Variants in NAA25 observed in about 807,000 individuals in gnomAD.
The protein encoded by NAA25 is N-terminal acetyltransferase B complex subunit NAA25.
In NAA25, 30 loss-of-function variants were observed where a neutral mutation model predicts 132.5. The ratio of observed to expected loss-of-function variants is 0.23; its 90% confidence interval spans 0.17 to 0.31. The LOEUF (loss-of-function observed/expected upper bound fraction) is 0.31. Ranked by LOEUF, NAA25 falls within the 10% of genes least tolerant of loss-of-function variation. NAA25 has a pLI of 1.00. For synonymous variants in NAA25, 359 were observed against 401.9 expected (o/e 0.89, Z 1.28); for missense variants, 771 against 1,150.4 (o/e 0.67, Z 4.77).
At chr12:112,041,389 C>T (rs997893897) in intron 20 of NAA25, among the ~76,000 whole-genome samples, 5 of 151,876 alleles carry the variant, frequency 3.3e-5, no homozygotes, top group African/African-American at 4.8e-5. Flanking sequence ...GGGGTTTCAC[C>T]GTGTTAGCCA....
chr12:112,086,051 AATATATATATAT>A (rs1555238696), intron 4 of NAA25, among the ~76,000 whole-genome samples: 1 of 37,380 alleles, frequency 2.7e-5, no homozygotes, highest in African/African-American at 1.8e-4. Context: ...AAAAAAAAAA[AATATATATATAT>A]ATATATATAT....
intron 9 of NAA25, 120 bp downstream of exon 9, chr12:112,074,555 T>C (rs2078867858): frequency 1.8e-6 from 1 of 546,866 alleles, no homozygotes; most frequent in Non-Finnish European, 3.2e-6. Flanking sequence ...AAAAATGTCT[T>C]ACTTTGAAAG....
At chr12:112,061,456 C>T in intron 11 of NAA25, 68 bp from the exon 12 acceptor site, 1 of 1,131,064 alleles carries the variant, frequency 8.8e-7, no homozygotes, top group Non-Finnish European at 1.3e-6. Context: ...CCATAATTAA[C>T]AGAAATTGAA....
chr12:112,065,284 G>A (rs984050624), intron 11 of NAA25, among the ~76,000 whole-genome samples: 1 of 152,100 alleles, frequency 6.6e-6, no homozygotes, highest in African/African-American at 2.4e-5. Flanking sequence ...ATCACTTGAG[G>A]CCAGGAGTTC....
chr12:112,067,814 C>T (rs1196327310), intron 11 of NAA25, among the ~76,000 whole-genome samples: 1 of 152,344 alleles, frequency 6.6e-6, no homozygotes, highest in South Asian at 2.1e-4. Flanking sequence ...CAGATCACTG[C>T]AACCTCCGCC....
At chr12:112,059,187 G>A (rs902158987) in intron 13 of NAA25, among the ~76,000 whole-genome samples, 4 of 140,818 alleles carry the variant, frequency 2.8e-5, no homozygotes, top group East Asian at 2.0e-4. Flanking sequence ...CATGAGAATC[G>A]CTTGAACCCA....
intron 2 of NAA25, among the ~76,000 whole-genome samples, chr12:112,091,113 A>G (rs1009895289): frequency 3.3e-5 from 5 of 151,456 alleles, no homozygotes; most frequent in African/African-American, 1.2e-4. Context: ...ACAAAAAATA[A>G]TAAAAAATTA....
At chr12:112,076,580 G>A (rs1441840681) in intron 7 of NAA25, among the ~76,000 whole-genome samples, 2 of 152,026 alleles carry the variant, frequency 1.3e-5, no homozygotes, top group African/African-American at 2.4e-5. Flanking sequence ...TAGGATGATA[G>A]TTCTGACCAA....
intron 16 of NAA25, 24 bp from the exon 17 acceptor site, chr12:112,047,814 A>T (rs1167906860): frequency 1.3e-6 from 2 of 1,574,616 alleles, no homozygotes; most frequent in East Asian, 2.3e-5. Context: ...AAATCCACAT[A>T]TTATTTTAAT....
rs1171176634 is a variant in NAA25, at chr12:112,043,727, G to A, written c.2148C>T (p.Ala716=). The A allele has an allele frequency of 1.7e-5, 27 of 1,614,098 alleles. 2 individuals carry two copies. In the South Asian group the frequency reaches 1.8e-4, roughly 11 times the overall value. Residue 716 remains alanine (A), a synonymous_variant, in exon 18 of 24, where the codon GCC becomes GCT. Transcript: ENST00000261745. ...CAATCCGGGAGGATACCCCATTCTC[G>A]GCAGTCTTCTCCGAGTTCTTTGGCT... is the stretch of plus-strand genomic sequence containing the variant. ...PVEPKNSEKT[A]ENGVSSRIDI... is the part of the protein sequence containing the mutation.
chr12:112,087,105 G>A (rs1003439250), intron 4 of NAA25, among the ~76,000 whole-genome samples: 2 of 151,330 alleles, frequency 1.3e-5, no homozygotes, highest in Admixed American at 1.3e-4. Flanking sequence ...AGCTTTACCC[G>A]CAACCTAATT....
chr12:112,053,695 T>G, intron 14 of NAA25, 38 bp from the exon 15 acceptor site: 4 of 1,413,750 alleles, frequency 2.8e-6, no homozygotes, highest in Non-Finnish European at 3.9e-6. Flanking sequence ...AAAGACATGT[T>G]ATACTTACTT....
chr12:112,084,103 C>A (rs1179093303), intron 4 of NAA25, among the ~76,000 whole-genome samples: 2 of 152,096 alleles, frequency 1.3e-5, no homozygotes, highest in East Asian at 3.8e-4. Context: ...AAACATGGAT[C>A]TAAGTTGGTG....
chr12:112,027,034 C>G lies in NAA25; in HGVS notation c.*2497G>C, dbSNP rs921260978. The G allele has an allele frequency of 6.6e-6, 1 of 152,614 alleles. No individual in the cohort carries two copies. Among genetic ancestry groups the G allele is most frequent in the African/African-American group, 2.4e-5 (1 of 41,452 alleles). The allele number at this position is 152,614 out of a possible 1,614,324, so 9.5% of individuals were successfully genotyped here. Reference sequence around the variant, plus strand: ...TACAAGTTTCTCTACCTTTTATCTACATCAGATAAATGATTTAAACCAAAT... The same window carrying G: ...TACAAGTTTCTCTACCTTTTATCTAGATCAGATAAATGATTTAAACCAAAT... On this transcript the variant is annotated 3_prime_UTR_variant, in exon 24 of 24. Coordinates refer to ENST00000261745, the MANE Select transcript of NAA25 (RefSeq NM_024953.4).
intron 11 of NAA25, among the ~76,000 whole-genome samples, chr12:112,064,578 C>T (rs2078686928): frequency 6.6e-6 from 1 of 152,120 alleles, no homozygotes. Context: ...ACTGCCAGTT[C>T]TTCTATTCTT....
chr12:112,087,945 CT>C lies in NAA25; in HGVS notation c.284-145del, dbSNP rs2079077872. On this transcript the variant is annotated intron_variant, in intron 3 of 23. Transcript: ENST00000261745. The stretch of plus-strand genomic sequence containing the variant: ...TGCCTCATCCAATCATCATTCATCT[CT>C]TGGTTAGGTGGTGTTTAAATGAAGC... The C allele has an allele frequency of 1.3e-5, 8 of 620,802 alleles. No homozygotes were observed. In the Admixed American group the frequency reaches 2.2e-4, roughly 17 times the overall value. 38.5% of individuals were successfully genotyped at this position (620,802 alleles called of 1,614,324 possible). A position where few individuals can be genotyped will look rare whatever the true frequency, so the allele number is the denominator to read the frequency against.
chr12:112,087,314 G>A (rs1044856937), intron 4 of NAA25, among the ~76,000 whole-genome samples: 6 of 152,246 alleles, frequency 3.9e-5, no homozygotes, highest in East Asian at 1.9e-4. Flanking sequence ...TTACAAATTA[G>A]ATGTAAACTT....
In NAA25 at chr12:112,048,335, G is replaced by A. The variant is rs760779525; in HGVS notation, c.1837C>T (p.Arg613Cys). The A allele has an allele frequency of 3.1e-6, 5 of 1,613,950 alleles. No individual in the cohort carries two copies. Among genetic ancestry groups the A allele is most frequent in the Non-Finnish European group, 4.2e-6 (5 of 1,179,974 alleles). Reference protein sequence around the residue: ...LNNSLHFAQVRTERMLLDLLL... With the variant: ...LNNSLHFAQVCTERMLLDLLL... ...AGGTCTAACAGCATCCGTTCAGTAC[G>A]GACTTGTGCAAAATGAAGAGAATTA... The change falls in exon 16 of 24, where the codon CGT becomes TGT. Residue 613 changes from arginine (R) to cysteine (C), a missense_variant. By Grantham distance (180) the Arg-to-Cys change is radical. This residue lies in a region of NAA25 where 417 missense variants were observed against 733.8 expected (regional missense o/e 0.57). Coordinates refer to ENST00000261745, the MANE Select transcript of NAA25 (RefSeq NM_024953.4).
intron 9 of NAA25, among the ~76,000 whole-genome samples, chr12:112,073,171 G>A (rs1380140160): frequency 1.3e-5 from 2 of 151,484 alleles, no homozygotes; most frequent in Non-Finnish European, 2.9e-5. Flanking sequence ...GGAGGCAGAG[G>A]TTGCAGTGAG....
Sources: gnomAD v4.1 joint callset for allele counts (sites outside exome capture counted in the v4.1 genomes callset) on GRCh38, gnomAD v4.1.1 for gene constraint, gnomAD v4.1.1 regional missense constraint, MANE v1.5 for transcripts, NCBI Gene and HGNC (gene_info 2026-07-23, HGNC 2026-07-21) for gene names.